Variants in P4HA3 observed in about 807,000 individuals in gnomAD.
P4HA3 encodes the protein prolyl 4-hydroxylase subunit alpha 3.
In P4HA3, 60 loss-of-function variants were observed where a neutral mutation model predicts 66.7. The observed-to-expected ratio is 0.90, with a 90% CI of 0.73 to 1.12. The LOEUF is 1.12. P4HA3 is among the 50% of genes most tolerant of loss of function. P4HA3 has a pLI of 0.00. For missense variants in P4HA3, 683 were observed against 685.8 expected, an observed-to-expected ratio of 1.00 and a Z score of 0.05; for synonymous variants, 263 against 274.6, an observed-to-expected ratio of 0.96 and a Z score of 0.42.
chr11:74,288,444 T>C (rs1860877554), intron 5 of P4HA3, among the ~76,000 whole-genome samples: 1 of 152,212 alleles, frequency 6.6e-6, no homozygotes, highest in Non-Finnish European at 1.5e-5. Context: ...ATCTGGGTCT[T>C]TAAAATGTCT....
intron 10 of P4HA3, 78 bp from the exon 11 acceptor site, chr11:74,269,798 T>C (rs1265476001): frequency 1.2e-5 from 17 of 1,366,828 alleles, no homozygotes; most frequent in Non-Finnish European, 1.6e-5. Context: ...CACATCTGCA[T>C]AGATTCCTTC....
intron 2 of P4HA3, among the ~76,000 whole-genome samples, chr11:74,302,889 CTTTTTCTT>C (rs754270828): frequency 9.2e-5 from 14 of 152,012 alleles, no homozygotes; most frequent in Admixed American, 9.2e-4. Flanking sequence ...TCTTCTTTTT[CTTTTTCTT>C]TTTTTCTTTT....
chr11:74,271,960 C>T lies in P4HA3; in HGVS notation c.1398+1585G>A, dbSNP rs528969184. Among the ~76,000 whole-genome samples, 73 of 151,916 alleles carry T rather than the reference C, an allele frequency of 4.8e-4. No homozygotes were observed. In the Middle Eastern group the frequency reaches 0.024, roughly 50 times the overall value. ...AATGACAGAAACATACAGTATGGAA[C>T]TTTCCAGAGTGACATCCCTCCTTAC... On this transcript the variant is annotated intron_variant, in intron 10 of 12. Transcript: ENST00000331597.
intron 15 of P4HA3, among the ~76,000 whole-genome samples, chr11:74,255,611 T>G (rs1464541524): frequency 6.8e-6 from 1 of 147,220 alleles, no homozygotes; most frequent in African/African-American, 2.7e-5. Context: ...GTTAACTGGC[T>G]TTCTCACTAA....
intron 9 of P4HA3, 82 bp downstream of exon 9, chr11:74,276,903 G>A (rs1055839174): frequency 1.5e-6 from 2 of 1,359,082 alleles, no homozygotes; most frequent in Middle Eastern, 2.4e-4. Flanking sequence ...TTCCCTGAGA[G>A]CCTACAAGAG....
chr11:74,271,834 A>G (rs1026111219), intron 10 of P4HA3, among the ~76,000 whole-genome samples: 1 of 152,086 alleles, frequency 6.6e-6, no homozygotes, highest in Non-Finnish European at 1.5e-5. Flanking sequence ...AGAAATCCCA[A>G]CCTGAAGATG....
chr11:74,298,531 G>T (rs749641156), intron 3 of P4HA3, among the ~76,000 whole-genome samples, 170 bp from the exon 4 acceptor site: 2 of 152,176 alleles, frequency 1.3e-5, no homozygotes, highest in African/African-American at 4.8e-5. Context: ...ATTGTACTAC[G>T]TGGAGAGGAG....
intron 8 of P4HA3, among the ~76,000 whole-genome samples, chr11:74,277,495 A>C (rs1416574425): frequency 6.6e-6 from 1 of 152,214 alleles, no homozygotes; most frequent in Non-Finnish European, 1.5e-5. Context: ...AAATGTGACG[A>C]GTCCCTGATC....
chr11:74,257,281 C>T (rs551241725), intron 15 of P4HA3, among the ~76,000 whole-genome samples: 73 of 152,276 alleles, frequency 4.8e-4, no homozygotes, highest in African/African-American at 1.4e-3. Context: ...CCTGCCACCA[C>T]GCCCAGCTAA....
chr11:74,285,967 G>T lies in P4HA3; in HGVS notation c.952C>A (p.Pro318Thr), dbSNP rs776295680. Residue 318 changes from proline (P) to threonine (T), a missense_variant, in exon 7 of 13, where the codon CCT becomes ACT. Transcript: ENST00000331597. ...LGSQPTLYQI[P>T]SLYCSYETNS... is the part of the protein sequence containing the mutation. ...GTCTCATAGGAACAGTAGAGGCTAG[G>T]GATCTGGTAGAGAGTGGGCTGGAAG... 1 of 1,609,020 alleles carries T rather than the reference G, an allele frequency of 6.2e-7. No homozygotes were observed. The highest frequency in any genetic ancestry group is 1.7e-5 in the Admixed American group (1 of 60,008).
chr11:74,251,484 T>C, intron 15 of P4HA3: 1 of 1,440,168 alleles, frequency 6.9e-7, no homozygotes, highest in South Asian at 1.5e-5. Context: ...AGGAGTCTTC[T>C]AGCTCTGCTA....
In P4HA3 at chr11:74,285,902, C is replaced by T. The variant is rs1185068935; in HGVS notation, c.1017G>A (p.Lys339=). Reference sequence around the variant, plus strand: ...TGTAGGGCTCCAGGTGGATGACCTCCTTCCGGATGGGCTGGAGCAGCAGGT... The same window carrying T: ...TGTAGGGCTCCAGGTGGATGACCTCTTTCCGGATGGGCTGGAGCAGCAGGT... ...NAYLLLQPIR[K]EVIHLEPYIA... The change falls in exon 7 of 13, where the codon AAG becomes AAA. Residue 339 remains lysine, a synonymous_variant. Transcript: ENST00000331597. 2 of 1,613,034 alleles carry T rather than the reference C, an allele frequency of 1.2e-6. No homozygotes were observed. The highest frequency in any genetic ancestry group is 1.7e-6 in the Non-Finnish European group (2 of 1,179,144).
chr11:74,251,067 C>T (rs1268941488), intron 15 of P4HA3: 2 of 1,554,794 alleles, frequency 1.3e-6, no homozygotes, highest in South Asian at 2.4e-5. Flanking sequence ...GAGAATAACC[C>T]TGGATGTCAC....
intron 15 of P4HA3, chr11:74,255,879 G>A (rs1370756336): frequency 2.0e-6 from 1 of 501,206 alleles, no homozygotes; most frequent in Non-Finnish European, 4.0e-6. Flanking sequence ...CCCTAGTAGA[G>A]GAGAGAAGTT....
intron 15 of P4HA3, chr11:74,252,338 T>A (rs1424260067): frequency 2.4e-6 from 1 of 417,850 alleles, no homozygotes; most frequent in Non-Finnish European, 4.9e-6. Context: ...TCCACCCGCA[T>A]CGGCCTCCTA....
downstream of P4HA3, among the ~76,000 whole-genome samples, chr11:74,261,742 C>A (rs535189384): frequency 6.6e-6 from 1 of 152,168 alleles, no homozygotes; most frequent in East Asian, 1.9e-4. Flanking sequence ...CAGCAAAGGT[C>A]CTGACCCAGA....
rs767023733 is a variant in P4HA3 at position 74,267,204 on chromosome 11, T to C, written c.*44A>G. On this transcript the variant is annotated 3_prime_UTR_variant, in exon 13 of 13. Coordinates refer to ENST00000331597, the MANE Select transcript of P4HA3 (RefSeq NM_182904.5). ...ACCCCAGCTTTTGGCTCCTGGCTTC[T>C]CTGGAAAGCCACAGGACTCCACCAG... 3 of 1,613,486 alleles carry C rather than the reference T, an allele frequency of 1.9e-6. No individual in the cohort carries two copies. The highest frequency in any genetic ancestry group is 2.2e-5 in the South Asian group (2 of 90,954).
chr11:74,284,996 A>T (rs887520797), intron 7 of P4HA3, among the ~76,000 whole-genome samples: 14 of 152,034 alleles, frequency 9.2e-5, no homozygotes, highest in Non-Finnish European at 1.6e-4. Context: ...TTTATAACGA[A>T]ATTATAATAA....
chr11:74,265,158 T>C (rs1346495735), downstream of P4HA3, among the ~76,000 whole-genome samples: 1 of 152,220 alleles, frequency 6.6e-6, no homozygotes, highest in Non-Finnish European at 1.5e-5. Flanking sequence ...CCTGTAATTC[T>C]GAGAAGTCCA....
Sources: gnomAD v4.1 joint callset for allele counts (sites outside exome capture counted in the v4.1 genomes callset) on GRCh38, gnomAD v4.1.1 for gene constraint, MANE v1.5 for transcripts, NCBI Gene and HGNC (gene_info 2026-07-23, HGNC 2026-07-21) for gene names.